The following EIPR1 variants were observed in gnomAD, a reference collection of about 807,000 sequenced individuals.
EIPR1 encodes EARP complex and GARP complex interacting protein 1, also known as EARP and GARP complex-interacting protein 1.
A neutral mutation model predicts 48.1 loss-of-function variants in EIPR1; 25 were observed. The ratio of observed to expected loss-of-function variants is 0.52; its 90% confidence interval spans 0.38 to 0.73. The LOEUF is 0.73. Ranked by LOEUF, EIPR1 falls within the 30% of genes least tolerant of loss-of-function variation. The pLI is 0.00. For missense variants in EIPR1, 415 were observed against 506.2 expected, an observed-to-expected ratio of 0.82 and a Z score of 1.73; for synonymous variants, 204 against 201.9, an observed-to-expected ratio of 1.01 and a Z score of -0.09.
At chr2:3,356,706 G>C (rs1670738405) in intron 1 of EIPR1, among the ~76,000 whole-genome samples, 1 of 152,118 alleles carries the variant, frequency 6.6e-6, no homozygotes, top group African/African-American at 2.4e-5. Flanking sequence ...TAATCGCATG[G>C]GTCACTGAAA....
intron 3 of EIPR1, among the ~76,000 whole-genome samples, chr2:3,328,919 AT>A (rs1320696555): frequency 0.012 from 1,663 of 143,262 alleles, 313 homozygotes; most frequent in Non-Finnish European, 0.018. Context: ...GCTCCCCTGA[AT>A]CAGAGCCCAC....
chr2:3,293,503 G>A (rs1313478838), intron 3 of EIPR1, among the ~76,000 whole-genome samples: 4 of 152,194 alleles, frequency 2.6e-5, no homozygotes, highest in East Asian at 1.9e-4. Context: ...CCAGACAGCC[G>A]TTTAGGCTGC....
chr2:3,282,569 G>T (rs1668045289), intron 3 of EIPR1: 1 of 152,264 alleles, frequency 6.6e-6, no homozygotes, highest in African/African-American at 2.4e-5. Flanking sequence ...CCTACAGACG[G>T]CCGCACGGGC....
At chr2:3,348,048 G>C (rs554637644) in intron 2 of EIPR1, among the ~76,000 whole-genome samples, 1 of 152,306 alleles carries the variant, frequency 6.6e-6, no homozygotes, top group South Asian at 2.1e-4. Flanking sequence ...CTGAGCACAG[G>C]TGAGAACAGG....
At chr2:3,313,971 A>G (rs983442388) in intron 3 of EIPR1, among the ~76,000 whole-genome samples, 2 of 152,160 alleles carry the variant, frequency 1.3e-5, no homozygotes, top group African/African-American at 4.8e-5. Context: ...GCCTGGGTCA[A>G]TGGCCCTGAG....
At chr2:3,244,550 T>G (rs568397170) in intron 4 of EIPR1, among the ~76,000 whole-genome samples, 1 of 152,266 alleles carries the variant, frequency 6.6e-6, no homozygotes, top group East Asian at 1.9e-4. Flanking sequence ...AATCAGATCA[T>G]GAGGGCAAAG....
At chr2:3,327,862 T>G (rs1669745887) in intron 3 of EIPR1, among the ~76,000 whole-genome samples, 1 of 102,302 alleles carries the variant, frequency 9.8e-6, no homozygotes, top group Non-Finnish European at 1.7e-5. Flanking sequence ...CTATCCTGTA[T>G]TTTTTTTTTC....
intron 4 of EIPR1, among the ~76,000 whole-genome samples, chr2:3,222,732 G>A (rs1275601186): frequency 6.6e-6 from 1 of 152,206 alleles, no homozygotes; most frequent in Non-Finnish European, 1.5e-5. Context: ...AAGAATGACT[G>A]CCAGACTGAA....
intron 1 of EIPR1, among the ~76,000 whole-genome samples, chr2:3,374,687 C>G (rs1474752994): frequency 2.7e-5 from 4 of 149,290 alleles, no homozygotes; most frequent in African/African-American, 9.8e-5. Context: ...GAGATACCAT[C>G]TCACACCAGT....
intron 3 of EIPR1, among the ~76,000 whole-genome samples, chr2:3,267,133 C>T (rs1385263020): frequency 6.6e-6 from 1 of 152,212 alleles, no homozygotes; most frequent in Non-Finnish European, 1.5e-5. Flanking sequence ...CCTCAGAGGG[C>T]CCAGTGGGGT....
intron 3 of EIPR1, among the ~76,000 whole-genome samples, chr2:3,281,307 T>A (rs1262592881): frequency 1.3e-5 from 2 of 151,944 alleles, no homozygotes; most frequent in African/African-American, 4.8e-5. Flanking sequence ...TGGAGATTTG[T>A]TTACAGAAAT....
intron 3 of EIPR1, among the ~76,000 whole-genome samples, chr2:3,313,699 G>A (rs868429819): frequency 4.6e-5 from 7 of 152,122 alleles, no homozygotes; most frequent in East Asian, 3.9e-4. Flanking sequence ...GGGCTTTATC[G>A]CCCTAGCTTC....
chr2:3,257,410 G>A lies in EIPR1; in HGVS notation c.305C>T (p.Pro102Leu), dbSNP rs201520957. Residue 102 changes from proline (P) to leucine (L), a missense_variant, in exon 4 of 9, where the codon CCG becomes CTG. Pro to Leu is a moderately conservative substitution (Grantham distance 98). Coordinates refer to ENST00000382125, the MANE Select transcript of EIPR1 (RefSeq NM_003310.5). ...VLTCAAVWRM[P>L]KELESGSHES... ...GTGGCTGCCTGATTCCAATTCCTTC[G>A]GCATCCTCCACACGGCTGCACATGT... The A allele has an allele frequency of 8.1e-6, 13 of 1,614,136 alleles. No homozygotes were observed. Among genetic ancestry groups the A allele is most frequent in the South Asian group, 6.6e-5 (6 of 91,082 alleles).
At chr2:3,205,680 C>T (rs1260502101) in intron 5 of EIPR1, among the ~76,000 whole-genome samples, 2 of 152,238 alleles carry the variant, frequency 1.3e-5, no homozygotes, top group Admixed American at 6.5e-5. Context: ...CTTCCCTTCC[C>T]TATCTCTGGT....
At chr2:3,317,533 G>C (rs377118576) in intron 3 of EIPR1, among the ~76,000 whole-genome samples, 1 of 152,258 alleles carries the variant, frequency 6.6e-6, no homozygotes, top group Non-Finnish European at 1.5e-5. Flanking sequence ...CTGACAGGCA[G>C]GTGACCTCGC....
At chr2:3,281,021 G>T (rs909978005) in intron 3 of EIPR1, among the ~76,000 whole-genome samples, 17 of 152,062 alleles carry the variant, frequency 1.1e-4, no homozygotes, top group African/African-American at 4.1e-4. Flanking sequence ...CTCCTACGTG[G>T]TCCTCTAGGA....
At chr2:3,364,061 T>G (rs1284093971) in intron 1 of EIPR1, among the ~76,000 whole-genome samples, 1 of 152,116 alleles carries the variant, frequency 6.6e-6, no homozygotes, top group Non-Finnish European at 1.5e-5. Flanking sequence ...ACACTATTGA[T>G]GGGAATATAA....
intron 4 of EIPR1, among the ~76,000 whole-genome samples, chr2:3,233,859 A>C (rs546675387): frequency 1.3e-5 from 2 of 152,360 alleles, no homozygotes; most frequent in South Asian, 4.1e-4. Flanking sequence ...TTAGAACTTT[A>C]AAAATCTCAA....
chr2:3,254,166 C>T (rs896877522), intron 4 of EIPR1, among the ~76,000 whole-genome samples: 1 of 152,114 alleles, frequency 6.6e-6, no homozygotes, highest in Non-Finnish European at 1.5e-5. Flanking sequence ...GACCGACGTT[C>T]CCCCAAATCA....
Sources: gnomAD v4.1 joint callset for allele counts (sites outside exome capture counted in the v4.1 genomes callset) on GRCh38, gnomAD v4.1.1 for gene constraint, MANE v1.5 for transcripts, NCBI Gene and HGNC (gene_info 2026-07-23, HGNC 2026-07-21) for gene names.